The following GHR variants were observed in gnomAD, a reference collection of about 807,000 sequenced individuals.
GHR encodes GH receptor.
In GHR, 35 loss-of-function variants were observed where a neutral mutation model predicts 67.1. That is an observed-to-expected ratio of 0.52 (90% CI 0.40 to 0.69). The LOEUF (loss-of-function observed/expected upper bound fraction) is 0.69. Among genes scored for constraint, GHR ranks in the 30% least tolerant of loss-of-function variants. GHR has a pLI of 0.00. For synonymous variants in GHR, 272 were observed against 269.1 expected (o/e 1.01, Z -0.10); for missense variants, 792 against 764.6 (o/e 1.04, Z -0.42).
In GHR at chr5:42,528,928, T is replaced by G. The variant is rs147466370; in HGVS notation, c.-11-36936T>G. ...ATTAGCATTTTTAGCAATAAAGTATTTTTAAATTAAAGTATATACATTGTG... is the reference window on the plus strand; with the variant it reads ...ATTAGCATTTTTAGCAATAAAGTATGTTTAAATTAAAGTATATACATTGTG... On this transcript the variant is annotated intron_variant, in intron 1 of 9. Transcript: ENST00000230882. Among the ~76,000 whole-genome samples the G allele has an allele frequency of 3.0e-3, 461 of 152,330 alleles. 2 individuals carry two copies. Among genetic ancestry groups the G allele is most frequent in the African/African-American group, 0.011 (456 of 41,572 alleles).
At chr5:42,532,121 T>C (rs1231308880) in intron 1 of GHR, among the ~76,000 whole-genome samples, 4 of 152,060 alleles carry the variant, frequency 2.6e-5, no homozygotes. Context: ...CTGGAATCTG[T>C]GAAGAAAATG....
At chr5:42,514,191 T>C (rs1747143051) in intron 1 of GHR, 7 of 985,180 alleles carry the variant, frequency 7.1e-6, no homozygotes, top group Non-Finnish European at 8.4e-6. Context: ...GATTCTGCAT[T>C]GACTACCTAC....
intron 1 of GHR, among the ~76,000 whole-genome samples, chr5:42,488,876 A>G (rs945767923): frequency 2.6e-5 from 4 of 152,198 alleles, no homozygotes; most frequent in Non-Finnish European, 5.9e-5. Context: ...CAATAACCCT[A>G]TAAAGTAGAC....
intron 3 of GHR, among the ~76,000 whole-genome samples, chr5:42,657,500 T>C (rs1340334393): frequency 6.6e-6 from 1 of 152,200 alleles, no homozygotes. Context: ...GAGGAAAATG[T>C]GGACCATGAT....
At chr5:42,599,866 A>G (rs1436206896) in intron 2 of GHR, among the ~76,000 whole-genome samples, 11 of 152,142 alleles carry the variant, frequency 7.2e-5, no homozygotes, top group Admixed American at 7.2e-4. Context: ...GATGGGGCAA[A>G]CATTCTCTAC....
At chr5:42,628,292 G>A (rs1753804628) in intron 2 of GHR, among the ~76,000 whole-genome samples, 1 of 150,994 alleles carries the variant, frequency 6.6e-6, no homozygotes, top group African/African-American at 2.5e-5. Flanking sequence ...TTCCCATTTA[G>A]GGCTGCAGGT....
intron 1 of GHR, among the ~76,000 whole-genome samples, chr5:42,457,588 G>A (rs1400733126): frequency 6.6e-6 from 1 of 152,196 alleles, no homozygotes; most frequent in African/African-American, 2.4e-5. Context: ...GGGGAAGTGA[G>A]ATACATTAAC....
At chr5:42,450,461 C>T (rs1276655012) in intron 1 of GHR, among the ~76,000 whole-genome samples, 5 of 152,080 alleles carry the variant, frequency 3.3e-5, no homozygotes, top group African/African-American at 9.7e-5. Context: ...TCTGTGATAT[C>T]GGTTGCAATA....
chr5:42,430,012 T>G (rs901348184), intron 1 of GHR, among the ~76,000 whole-genome samples: 1 of 152,226 alleles, frequency 6.6e-6, no homozygotes, highest in Admixed American at 6.5e-5. Context: ...ATGCAGGACA[T>G]GTCTAAGTCA....
chr5:42,626,053 A>G (rs970946310), intron 2 of GHR, among the ~76,000 whole-genome samples: 5 of 152,140 alleles, frequency 3.3e-5, no homozygotes, highest in African/African-American at 1.2e-4. Context: ...ACTCCCCAGA[A>G]CCCTTAGGTA....
intron 3 of GHR, among the ~76,000 whole-genome samples, chr5:42,632,193 T>G (rs1753959281): frequency 6.6e-6 from 1 of 152,064 alleles, no homozygotes; most frequent in African/African-American, 2.4e-5. Context: ...TACTTACCAT[T>G]CCCCAGGCAC....
At position 42,719,516 on chromosome 5, in the gene GHR, T is replaced by A; in HGVS notation, c.*92T>A. 2 of 1,245,576 alleles carry A rather than the reference T, an allele frequency of 1.6e-6. No homozygotes were observed. The highest frequency in any genetic ancestry group is 2.4e-5 in the South Asian group (2 of 83,354). The allele number at this position is 1,245,576 out of a possible 1,614,324, so 77.2% of individuals were successfully genotyped here. A position where few individuals can be genotyped will look rare whatever the true frequency, so the allele number is the denominator to read the frequency against. ...AGCCAAAACAATGTTTAAACCTTTT[T>A]TGGGGGAGTGACAGGATGGGGTATG... is the stretch of plus-strand genomic sequence containing the variant. On this transcript the variant is annotated 3_prime_UTR_variant, in exon 10 of 10. Coordinates refer to ENST00000230882, the MANE Select transcript of GHR (RefSeq NM_000163.5).
At chr5:42,645,756 T>A (rs1345479118) in intron 3 of GHR, among the ~76,000 whole-genome samples, 2 of 152,234 alleles carry the variant, frequency 1.3e-5, no homozygotes, top group African/African-American at 4.8e-5. Context: ...TTCAAGCTCA[T>A]ATAAACAAGA....
At chr5:42,453,720 G>A (rs1043520797) in intron 1 of GHR, among the ~76,000 whole-genome samples, 4 of 152,172 alleles carry the variant, frequency 2.6e-5, no homozygotes, top group African/African-American at 7.2e-5. Context: ...TACTCACCCT[G>A]GAGTGTTCCA....
At chr5:42,443,049 T>C (rs1487001791) in intron 1 of GHR, among the ~76,000 whole-genome samples, 1 of 152,160 alleles carries the variant, frequency 6.6e-6, no homozygotes. Context: ...ACTGTCTTTT[T>C]GGAGGGGCAA....
intron 1 of GHR, among the ~76,000 whole-genome samples, chr5:42,475,428 A>C (rs1182812870): frequency 8.2e-6 from 1 of 122,280 alleles, no homozygotes; most frequent in African/African-American, 3.3e-5. Flanking sequence ...ATGTGTTATT[A>C]TGGTCATTTT....
At chr5:42,656,432 G>A (rs919966754) in intron 3 of GHR, among the ~76,000 whole-genome samples, 2 of 152,096 alleles carry the variant, frequency 1.3e-5, no homozygotes, top group Non-Finnish European at 2.9e-5. Flanking sequence ...TTCACAGCCA[G>A]CTCTTGTTAA....
chr5:42,520,281 T>C (rs889872388), intron 1 of GHR, among the ~76,000 whole-genome samples: 1 of 152,118 alleles, frequency 6.6e-6, no homozygotes, highest in Non-Finnish European at 1.5e-5. Flanking sequence ...AGGGGAACTA[T>C]AATAAAGAGC....
At chr5:42,486,711 G>T (rs1013557120) in intron 1 of GHR, among the ~76,000 whole-genome samples, 1 of 152,108 alleles carries the variant, frequency 6.6e-6, no homozygotes, top group South Asian at 2.1e-4. Context: ...ACCGGGCGTC[G>T]TGGCGGGCAC....
Sources: allele counts gnomAD v4.1 joint callset (sites outside exome capture counted in the v4.1 genomes callset), GRCh38; gene constraint gnomAD v4.1.1; transcripts MANE v1.5; gene names NCBI Gene and HGNC (gene_info 2026-07-23, HGNC 2026-07-21).